Variants in ATP2B2 observed in about 807,000 individuals in gnomAD.
The protein encoded by ATP2B2 is ATPase plasma membrane Ca2+ transporting 2.
ATP2B2 carries 15 observed loss-of-function variants against 120.0 expected under a neutral mutation model. The ratio of observed to expected loss-of-function variants is 0.12; its 90% CI spans 0.08 to 0.19. ATP2B2 has a LOEUF of 0.19. ATP2B2 is among the 10% of genes least tolerant of loss of function. The pLI is 1.00. For synonymous variants in ATP2B2, 694 were observed against 700.3 expected (o/e 0.99, Z 0.14); for missense variants, 1,045 against 1,719.8 (o/e 0.61, Z 6.94).
Position 10,518,473 on chromosome 3 carries a change from C to A in ATP2B2, c.-320+15566G>T, listed in dbSNP as rs372624237. On this transcript the variant is annotated intron_variant, in intron 3 of 21. Transcript: ENST00000646379. ...TAGGGGAGGCATTCCTGGGAATCTG[C>A]CCTTGTCCCATGACAAAGGTCTGGG... Among the ~76,000 whole-genome samples, 27 of 152,326 alleles carry A rather than the reference C, an allele frequency of 1.8e-4. 1 individual carries two copies. In the East Asian group the frequency reaches 4.6e-3, roughly 26 times the overall value.
upstream of ATP2B2, among the ~76,000 whole-genome samples, chr3:10,506,911 G>A (rs2066646964): frequency 6.6e-6 from 1 of 152,246 alleles, no homozygotes; most frequent in African/African-American, 2.4e-5. Flanking sequence ...TAAGCTGAAA[G>A]TCTGCACTGC....
At chr3:10,691,045 G>A (rs1322699296) in intron 1 of ATP2B2, among the ~76,000 whole-genome samples, 2 of 152,140 alleles carry the variant, frequency 1.3e-5, no homozygotes, top group Admixed American at 1.3e-4. Flanking sequence ...GCCTACTCAG[G>A]GTGTCCAGTT....
chr3:10,640,054 G>A (rs2070129499), intron 1 of ATP2B2, among the ~76,000 whole-genome samples: 1 of 152,206 alleles, frequency 6.6e-6, no homozygotes, highest in Admixed American at 6.5e-5. Flanking sequence ...TTTAGGCTCA[G>A]GCAAATTAGG....
chr3:10,634,076 G>T (rs907634524), intron 1 of ATP2B2, among the ~76,000 whole-genome samples: 2 of 152,202 alleles, frequency 1.3e-5, no homozygotes, highest in East Asian at 1.9e-4. Flanking sequence ...ACGCTTCCCT[G>T]TGAGGAGGTG....
intron 1 of ATP2B2, among the ~76,000 whole-genome samples, chr3:10,691,313 G>A (rs766713496): frequency 1.3e-5 from 2 of 152,220 alleles, no homozygotes; most frequent in Non-Finnish European, 2.9e-5. Context: ...GGTATTCTGT[G>A]CCATGAGTAC....
intron 8 of ATP2B2, among the ~76,000 whole-genome samples, chr3:10,382,611 C>T (rs578172048): frequency 6.6e-6 from 1 of 151,940 alleles, no homozygotes; most frequent in African/African-American, 2.4e-5. Context: ...CCTGCCTTGG[C>T]CTCCCAAAGT....
In ATP2B2 at chr3:10,402,214, G is replaced by A; in HGVS notation, c.532C>T (p.Gln178Ter). 6.2e-7 allele frequency: 1 copy of A among 1,614,186 alleles called. No individual in the cohort carries two copies. Among genetic ancestry groups the A allele is most frequent in the Non-Finnish European group, 8.5e-7 (1 of 1,180,036 alleles). Residue 178 changes from glutamine to a stop codon, truncating the protein, a stop_gained, in exon 4 of 23, where the codon CAG (glutamine) becomes TAG (stop). Coordinates refer to ENST00000360273, the MANE Select transcript of ATP2B2 (RefSeq NM_001001331.4). LOFTEE classifies it high-confidence loss of function. The surrounding 1 kb of genome is among the most constrained non-coding windows in gnomAD (Gnocchi z 4.9). ...ATGCGGCTCTGCAGGCCCCGGAACT[G>A]TTTCTCTTTGCTCCAGTCATTGAAG... Reference protein sequence around the residue: ...TAFNDWSKEKQFRGLQSRIEQ... With the variant: ...TAFNDWSKEK
chr3:10,473,813 G>C (rs1339278182), intron 1 of ATP2B2, among the ~76,000 whole-genome samples: 1 of 152,192 alleles, frequency 6.6e-6, no homozygotes, highest in Non-Finnish European at 1.5e-5. Context: ...AAGGCCACGT[G>C]GCTGGGGCTT....
At chr3:10,706,304 A>G (rs976210702) in intron 1 of ATP2B2, among the ~76,000 whole-genome samples, 5 of 152,182 alleles carry the variant, frequency 3.3e-5, no homozygotes, top group African/African-American at 7.2e-5. Flanking sequence ...AGTGGTACAG[A>G]TGGAGGAGGA....
intron 1 of ATP2B2, among the ~76,000 whole-genome samples, chr3:10,689,050 C>A (rs1209877972): frequency 6.6e-6 from 1 of 152,152 alleles, no homozygotes; most frequent in Non-Finnish European, 1.5e-5. Context: ...TTGACCAACA[C>A]AAAGGATATC....
At chr3:10,437,732 C>G (rs57209951) in intron 2 of ATP2B2, among the ~76,000 whole-genome samples, 3,898 of 152,264 alleles carry the variant, frequency 0.026, 176 homozygotes, top group African/African-American at 0.088. Flanking sequence ...TGTTGAAGTC[C>G]TAACCCTCAG....
At chr3:10,669,720 C>T (rs938385932) in intron 1 of ATP2B2, among the ~76,000 whole-genome samples, 2 of 152,214 alleles carry the variant, frequency 1.3e-5, no homozygotes, top group African/African-American at 2.4e-5. Flanking sequence ...TTTGCATCGC[C>T]TCTGAGCCCT....
intron 2 of ATP2B2, among the ~76,000 whole-genome samples, chr3:10,437,585 C>T (rs1325803584): frequency 6.6e-6 from 1 of 152,178 alleles, no homozygotes; most frequent in South Asian, 2.1e-4. Context: ...CAGCAGTGAG[C>T]GTGTCCCTCA....
chr3:10,600,710 G>A (rs1436359629), intron 2 of ATP2B2, among the ~76,000 whole-genome samples: 1 of 152,190 alleles, frequency 6.6e-6, no homozygotes, highest in Non-Finnish European at 1.5e-5. Context: ...GGCTTGCACA[G>A]GGGCCCTCTG....
At chr3:10,508,971 A>G (rs1278299370), upstream of ATP2B2, among the ~76,000 whole-genome samples, 1 of 152,202 alleles carries the variant, frequency 6.6e-6, no homozygotes, top group Non-Finnish European at 1.5e-5. Flanking sequence ...AGGAGGAGCC[A>G]GCCAATCTGA....
chr3:10,420,000 A>G (rs2062918490), intron 2 of ATP2B2, among the ~76,000 whole-genome samples: 1 of 152,226 alleles, frequency 6.6e-6, no homozygotes, highest in South Asian at 2.1e-4. Context: ...CCTGCTTCGT[A>G]TATTTAAAAT....
chr3:10,509,390 T>C (rs936912887), upstream of ATP2B2, among the ~76,000 whole-genome samples: 1 of 152,148 alleles, frequency 6.6e-6, no homozygotes, highest in Admixed American at 6.5e-5. Context: ...AGCTGTCAGC[T>C]GGGTTCCCCG....
intron 2 of ATP2B2, among the ~76,000 whole-genome samples, chr3:10,579,271 A>C (rs984061411): frequency 6.6e-6 from 1 of 152,192 alleles, no homozygotes; most frequent in Non-Finnish European, 1.5e-5. Flanking sequence ...GTAAAATGGG[A>C]ATAATGAGCT....
chr3:10,373,702 A>C (rs1489157970), intron 11 of ATP2B2, among the ~76,000 whole-genome samples: 1 of 152,142 alleles, frequency 6.6e-6, no homozygotes, highest in Non-Finnish European at 1.5e-5. Context: ...CCTTTTTTAA[A>C]ATAATGTAGC....
Sources: allele counts gnomAD v4.1 joint callset (sites outside exome capture counted in the v4.1 genomes callset), GRCh38; gene constraint gnomAD v4.1.1; non-coding constraint Gnocchi (gnomAD v3.1); transcripts MANE v1.5; gene names NCBI Gene and HGNC (gene_info 2026-07-23, HGNC 2026-07-21).